ENOX1: variants seen among roughly 807,000 people sequenced by gnomAD.
The protein encoded by ENOX1 is candidate growth-related and time keeping constitutive hydroquinone (NADH) oxidase.
In ENOX1, 42 loss-of-function variants were observed where a neutral mutation model predicts 82.5. The ratio of observed to expected loss-of-function variants is 0.51; its 90% confidence interval spans 0.40 to 0.66. The LOEUF (loss-of-function observed/expected upper bound fraction) is 0.66, where lower values mean the gene tolerates loss of function less well. Among genes scored for constraint, ENOX1 ranks in the 30% least tolerant of loss-of-function variants. ENOX1 has a pLI of 0.00. For synonymous variants in ENOX1, 271 were observed against 282.2 expected, an observed-to-expected ratio of 0.96 and a Z score of 0.40; for missense variants, 608 against 811.6, an observed-to-expected ratio of 0.75 and a Z score of 3.05.
chr13:43,760,059 A>G (rs762043847), intron 1 of ENOX1, among the ~76,000 whole-genome samples: 3 of 152,248 alleles, frequency 2.0e-5, no homozygotes, highest in Non-Finnish European at 4.4e-5. Flanking sequence ...AGGATGCAGA[A>G]GCATCTACTT....
chr13:43,482,623 T>A (rs2058548839), intron 3 of ENOX1, among the ~76,000 whole-genome samples: 1 of 149,528 alleles, frequency 6.7e-6, no homozygotes, highest in Admixed American at 6.8e-5. Context: ...ATTTCATATT[T>A]TGTGTGTGTG....
chr13:43,344,027 C>CA (rs1372809539), intron 9 of ENOX1, among the ~76,000 whole-genome samples: 2 of 152,010 alleles, frequency 1.3e-5, no homozygotes, highest in Non-Finnish European at 2.9e-5. Context: ...GAAGAAAGGA[C>CA]AAAAAAATCT....
intron 2 of ENOX1, among the ~76,000 whole-genome samples, chr13:43,665,653 C>A (rs2084940822): frequency 6.6e-6 from 1 of 151,670 alleles, no homozygotes; most frequent in African/African-American, 2.4e-5. Context: ...ACCTGCGATG[C>A]CAACACAGAC....
intron 2 of ENOX1, among the ~76,000 whole-genome samples, chr13:43,500,978 A>G (rs574814510): frequency 6.6e-6 from 1 of 151,988 alleles, no homozygotes; most frequent in East Asian, 1.9e-4. Context: ...ATAATAAAAC[A>G]GCAAAAAGGA....
intron 9 of ENOX1, among the ~76,000 whole-genome samples, chr13:43,331,946 G>A (rs542855622): frequency 1.3e-5 from 2 of 152,146 alleles, no homozygotes. Context: ...GAATGAATAC[G>A]GTCAAACCCA....
chr13:43,502,788 A>G (rs4427701), intron 2 of ENOX1, among the ~76,000 whole-genome samples: 33,690 of 151,472 alleles, frequency 0.22, 4,064 homozygotes, highest in Middle Eastern at 0.29. Flanking sequence ...TATTGAATCC[A>G]GAACAAGTAA....
At chr13:43,334,119 C>T (rs779715366) in intron 9 of ENOX1, among the ~76,000 whole-genome samples, 3 of 152,230 alleles carry the variant, frequency 2.0e-5, no homozygotes, top group Non-Finnish European at 4.4e-5. Flanking sequence ...ACAGACTCTG[C>T]TTTAACAAGC....
chr13:43,550,055 G>C (rs1306194545), intron 2 of ENOX1, among the ~76,000 whole-genome samples: 1 of 152,150 alleles, frequency 6.6e-6, no homozygotes, highest in Non-Finnish European at 1.5e-5. Context: ...GTGCAACCTA[G>C]ATCCCTCACA....
chr13:43,722,306 G>C (rs1314720764), intron 1 of ENOX1, among the ~76,000 whole-genome samples: 1 of 152,208 alleles, frequency 6.6e-6, no homozygotes, highest in Non-Finnish European at 1.5e-5. Context: ...TTAGGCAACA[G>C]AGAGGATCTA....
chr13:43,666,321 A>T (rs570866234), intron 2 of ENOX1, among the ~76,000 whole-genome samples: 2 of 152,318 alleles, frequency 1.3e-5, no homozygotes, highest in African/African-American at 4.8e-5. Context: ...CCCCAAAAAG[A>T]TGCTGCAATC....
chr13:43,346,740 C>T (rs1570681), intron 8 of ENOX1, among the ~76,000 whole-genome samples: 112,271 of 151,982 alleles, frequency 0.74, 41,741 homozygotes, highest in Middle Eastern at 0.82. Context: ...TGTGAGAGGC[C>T]CACTGCAACC....
intron 2 of ENOX1, among the ~76,000 whole-genome samples, chr13:43,591,514 AG>A (rs1007201990): frequency 3.3e-5 from 5 of 152,160 alleles, no homozygotes; most frequent in Non-Finnish European, 5.9e-5. Flanking sequence ...GAGAGAGATG[AG>A]GGGCAGCAAA....
At chr13:43,508,521 A>G (rs1273436408) in intron 2 of ENOX1, among the ~76,000 whole-genome samples, 1 of 151,956 alleles carries the variant, frequency 6.6e-6, no homozygotes, top group Non-Finnish European at 1.5e-5. Context: ...GGTACTGTAT[A>G]TGATTGAGAT....
At chr13:43,480,041 T>G (rs2058449422) in intron 3 of ENOX1, among the ~76,000 whole-genome samples, 1 of 152,032 alleles carries the variant, frequency 6.6e-6, no homozygotes, top group African/African-American at 2.4e-5. Flanking sequence ...GTTCAAGCCA[T>G]TTTCCTGCCA....
intron 12 of ENOX1, among the ~76,000 whole-genome samples, chr13:43,272,478 C>T (rs1014155596): frequency 2.6e-5 from 4 of 152,170 alleles, no homozygotes; most frequent in African/African-American, 9.7e-5. Context: ...TGAATAATAA[C>T]ACTAAAAGCA....
intron 3 of ENOX1, among the ~76,000 whole-genome samples, chr13:43,448,119 C>A (rs2056758868): frequency 6.6e-6 from 1 of 152,198 alleles, no homozygotes; most frequent in South Asian, 2.1e-4. Context: ...TGGTGCACTG[C>A]ATTTTTGCAC....
At chr13:43,744,763 C>A (rs1949930621) in intron 1 of ENOX1, among the ~76,000 whole-genome samples, 1 of 152,150 alleles carries the variant, frequency 6.6e-6, no homozygotes, top group Non-Finnish European at 1.5e-5. Context: ...ATCTTGCCAA[C>A]AGTACTATAG....
chr13:43,464,699 T>C (rs1172775789), intron 3 of ENOX1, among the ~76,000 whole-genome samples: 2 of 152,224 alleles, frequency 1.3e-5, no homozygotes, highest in Non-Finnish European at 2.9e-5. Context: ...TACCATGGCC[T>C]GGTACGTTTG....
At chr13:43,609,807 A>G in intron 2 of ENOX1, 1 of 387,554 alleles carries the variant, frequency 2.6e-6, no homozygotes, top group Non-Finnish European at 3.5e-6. Context: ...CAATTAATGT[A>G]AGGTGTATCA....
Sources: allele counts gnomAD v4.1 joint callset (sites outside exome capture counted in the v4.1 genomes callset), GRCh38; gene constraint gnomAD v4.1.1; transcripts MANE v1.5; gene names NCBI Gene and HGNC (gene_info 2026-07-23, HGNC 2026-07-21).